TM9SF3: variants seen among roughly 807,000 people sequenced by gnomAD.
TM9SF3 encodes SM-11044-binding protein.
A neutral mutation model predicts 78.6 loss-of-function variants in TM9SF3; 14 were observed. The observed-to-expected ratio is 0.18, with a 90% CI of 0.12 to 0.28. The LOEUF (loss-of-function observed/expected upper bound fraction) is 0.28, where lower values mean the gene tolerates loss of function less well. Among genes scored for constraint, TM9SF3 ranks in the 10% least tolerant of loss-of-function variants. The pLI, the probability that TM9SF3 is intolerant of heterozygous loss-of-function variation, is 1.00. For missense variants in TM9SF3, 496 were observed against 721.9 expected (o/e 0.69, Z 3.59); for synonymous variants, 231 against 241.7 (o/e 0.96, Z 0.41).
intron 2 of TM9SF3, among the ~76,000 whole-genome samples, chr10:96,567,731 C>A (rs1256722380): frequency 1.3e-5 from 2 of 152,164 alleles, no homozygotes; most frequent in African/African-American, 4.8e-5. Flanking sequence ...AGGTCTTGAG[C>A]GCTTTGTCCA....
At chr10:96,571,633 G>C (rs1371840822) in intron 2 of TM9SF3, among the ~76,000 whole-genome samples, 3 of 152,040 alleles carry the variant, frequency 2.0e-5, no homozygotes, top group Non-Finnish European at 4.4e-5. Context: ...AATATATAAG[G>C]CTCTAAACAG....
At chr10:96,577,547 A>T (rs1848511641) in intron 1 of TM9SF3, 1 of 152,244 alleles carries the variant, frequency 6.6e-6, no homozygotes, top group Non-Finnish European at 1.5e-5. Context: ...GAGGCCTGTC[A>T]AAGATTTCTA....
rs150728588 is a variant in TM9SF3, at chr10:96,582,569, TTCAA to T, written c.102+4161_102+4164del. On this transcript the variant is annotated intron_variant, in intron 1 of 14. Coordinates refer to ENST00000371142, the MANE Select transcript of TM9SF3 (RefSeq NM_020123.4). ...CTGACTATAAAGAAGCCTATGTCCC[TTCAA>T]TCAGTTATTAAAAGCCTGTCTTCCA... 7.5e-3 allele frequency among the ~76,000 whole-genome samples: 1,137 copies of T among 152,352 alleles called. 10 individuals carry two copies. Among genetic ancestry groups the T allele is most frequent in the African/African-American group, 0.022 (924 of 41,584 alleles).
In TM9SF3 at chr10:96,518,424, A is replaced by C. The variant is rs1238650715; in HGVS notation, c.*3839T>G. On this transcript the variant is annotated 3_prime_UTR_variant, in exon 15 of 15. Coordinates refer to ENST00000371142, the MANE Select transcript of TM9SF3 (RefSeq NM_020123.4). ...TGTCCTTCAAATAGAATTCCATGTTATTTCTTTCTTGCCTTAAGCTCTTAT... is the reference window on the plus strand; with the variant it reads ...TGTCCTTCAAATAGAATTCCATGTTCTTTCTTTCTTGCCTTAAGCTCTTAT... 6.6e-6 allele frequency: 1 copy of C among 152,136 alleles called. No individual in the cohort carries two copies. Among genetic ancestry groups the C allele is most frequent in the African/African-American group, 2.4e-5 (1 of 41,448 alleles). 9.4% of individuals were successfully genotyped at this position (152,136 alleles called of 1,614,324 possible). A position where few individuals can be genotyped will look rare whatever the true frequency, so the allele number is the denominator to read the frequency against.
chr10:96,572,322 G>A (rs1848445630), intron 2 of TM9SF3, among the ~76,000 whole-genome samples: 1 of 151,454 alleles, frequency 6.6e-6, no homozygotes, highest in Non-Finnish European at 1.5e-5. Flanking sequence ...GATCAAAGAG[G>A]TTGAACAATT....
chr10:96,579,082 G>A (rs1049221869), intron 1 of TM9SF3, among the ~76,000 whole-genome samples: 5 of 152,164 alleles, frequency 3.3e-5, no homozygotes, highest in Admixed American at 1.3e-4. Flanking sequence ...AGTCTCACAA[G>A]AAGAACCTAT....
intron 1 of TM9SF3, 132 bp downstream of exon 1, chr10:96,586,602 C>A: frequency 1.4e-6 from 1 of 730,920 alleles, no homozygotes; most frequent in East Asian, 3.9e-5. Flanking sequence ...TCCGCCAGGC[C>A]CAACCGGAAG....
Position 96,518,464 on chromosome 10 carries a change from C to T in TM9SF3, c.*3799G>A, listed in dbSNP as rs1847721713. 1 of 152,246 alleles carries T rather than the reference C, an allele frequency of 6.6e-6. No individual in the cohort carries two copies. Among genetic ancestry groups the T allele is most frequent in the East Asian group, 1.9e-4 (1 of 5,182 alleles). 9.4% of individuals were successfully genotyped at this position (152,246 alleles called of 1,614,324 possible). ...TAAGCTCTTATATCTTTCAAATGAC[C>T]TAAGCTGATGAACTGGAGTAAACAC... On this transcript the variant is annotated 3_prime_UTR_variant, in exon 15 of 15. Coordinates refer to ENST00000371142, the MANE Select transcript of TM9SF3 (RefSeq NM_020123.4).
At chr10:96,544,260 T>A in intron 8 of TM9SF3, 54 bp from the exon 9 acceptor site, 1 of 1,425,200 alleles carries the variant, frequency 7.0e-7, no homozygotes, top group Non-Finnish European at 9.3e-7. Context: ...TACGAAATTA[T>A]TTGTTTGAAA....
chr10:96,581,732 G>A (rs892158843), intron 1 of TM9SF3, among the ~76,000 whole-genome samples: 2 of 152,158 alleles, frequency 1.3e-5, no homozygotes, highest in African/African-American at 4.8e-5. Flanking sequence ...CAGAGACAAA[G>A]ACAAAAGGTT....
intron 4 of TM9SF3, chr10:96,560,621 T>G: frequency 3.1e-6 from 2 of 655,084 alleles, no homozygotes; most frequent in Non-Finnish European, 5.8e-6. Context: ...TCCCTGGAGG[T>G]GGTAGCAAGG....
At chr10:96,529,647 TA>T (rs72071295) in intron 11 of TM9SF3, among the ~76,000 whole-genome samples, 4,933 of 147,624 alleles carry the variant, frequency 0.033, 251 homozygotes, top group African/African-American at 0.11. Context: ...GCTCTATATT[TA>T]AAAAAAAAAA....
At chr10:96,562,465 A>C (rs1656144074) in intron 3 of TM9SF3, among the ~76,000 whole-genome samples, 1 of 152,118 alleles carries the variant, frequency 6.6e-6, no homozygotes, top group Admixed American at 6.5e-5. Flanking sequence ...TAACATCTCA[A>C]AATTTCAGAG....
intron 10 of TM9SF3, among the ~76,000 whole-genome samples, chr10:96,532,064 G>A (rs549156024): frequency 3.5e-4 from 53 of 151,920 alleles, no homozygotes; most frequent in African/African-American, 9.4e-4. Flanking sequence ...CAAAAAATTA[G>A]CCAGGCGTGG....
At chr10:96,553,409 T>C (rs1311463408) in intron 5 of TM9SF3, among the ~76,000 whole-genome samples, 2 of 152,202 alleles carry the variant, frequency 1.3e-5, no homozygotes, top group Non-Finnish European at 2.9e-5. Context: ...TGCCAGTTTC[T>C]GACTATGTGA....
Position 96,546,290 on chromosome 10 carries a change from T to C in TM9SF3, c.1054+1605A>G, listed in dbSNP as rs573568028. ...CAGGACACTACCAATCAGAACATAA[T>C]CTTTACATTACATTTTGTAAGACTT... is the stretch of plus-strand genomic sequence containing the variant. On this transcript the variant is annotated intron_variant, in intron 8 of 14. Transcript: ENST00000371142. 2.4e-4 allele frequency among the ~76,000 whole-genome samples: 37 copies of C among 152,280 alleles called. No individual in the cohort carries two copies. The South Asian group carries it at 7.1e-3, about 29-fold the overall frequency.
At chr10:96,582,201 T>C (rs1431162315) in intron 1 of TM9SF3, among the ~76,000 whole-genome samples, 1 of 152,202 alleles carries the variant, frequency 6.6e-6, no homozygotes, top group Non-Finnish European at 1.5e-5. Flanking sequence ...GCTCTAAGAT[T>C]CCTGTGCCCC....
At position 96,566,880 on chromosome 10, in the gene TM9SF3, A is replaced by G. The variant is rs2134153996; in HGVS notation, c.299-1454T>C. Among the ~76,000 whole-genome samples, 2 of 152,306 alleles carry G rather than the reference A, an allele frequency of 1.3e-5. 1 individual carries two copies. On this transcript the variant is annotated intron_variant, in intron 2 of 14. Transcript: ENST00000371142. ...GCAGGCAACTGCAGCTACGGAAGGGATATTCAGAACCAAAGGAAGGTCCAG... is the reference window on the plus strand; with the variant it reads ...GCAGGCAACTGCAGCTACGGAAGGGGTATTCAGAACCAAAGGAAGGTCCAG...
intron 5 of TM9SF3, among the ~76,000 whole-genome samples, chr10:96,554,041 T>C (rs1328765417): frequency 6.6e-6 from 1 of 152,106 alleles, no homozygotes; most frequent in Admixed American, 6.6e-5. Context: ...TGAGGTGTTT[T>C]TTCTCCTCTC....
Sources: allele counts gnomAD v4.1 joint callset (sites outside exome capture counted in the v4.1 genomes callset), GRCh38; gene constraint gnomAD v4.1.1; transcripts MANE v1.5; gene names NCBI Gene and HGNC (gene_info 2026-07-23, HGNC 2026-07-21).